Variants in LZTR1 observed in about 807,000 individuals in gnomAD.
LZTR1 encodes leucine zipper like post translational regulator 1.
Under a neutral mutation model 105.7 loss-of-function variants are expected in LZTR1, and 260 were observed. That is an observed-to-expected ratio of 2.46 (90% CI 2.22 to 2.72). The LOEUF is 2.72. LZTR1 is among the 30% of genes most tolerant of loss of function. The pLI is 0.00. For missense variants in LZTR1, 1,214 were observed against 1,166.9 expected (o/e 1.04, Z -0.59); for synonymous variants, 490 against 476.4 (o/e 1.03, Z -0.37).
Position 20,987,565 on chromosome 22 carries a change from A to G in LZTR1, c.382A>G (p.Ser128Gly). 1 of 1,613,972 alleles carries G rather than the reference A, an allele frequency of 6.2e-7. No homozygotes were observed. Among genetic ancestry groups the G allele is most frequent in the Non-Finnish European group, 8.5e-7 (1 of 1,179,986 alleles). ...CCACCACTCGGCCGTCGTCTATGGG[A>G]GCAGCATGTTTGTCTTTGGTAAGCA... is the stretch of plus-strand genomic sequence containing the variant. ...RYHHSAVVYG[S>G]SMFVFGGYTG... The change falls in exon 4 of 21, where the codon AGC becomes GGC. Residue 128 changes from serine to glycine, a missense_variant. By Grantham distance (56) the Ser-to-Gly change is moderately conservative. Coordinates refer to ENST00000646124, the MANE Select transcript of LZTR1 (RefSeq NM_006767.4).
At position 20,982,401 on chromosome 22, in the gene LZTR1, G is replaced by A. The variant is rs1313933242; in HGVS notation, c.30G>A (p.Gln10=). 1.9e-6 allele frequency: 3 copies of A among 1,563,120 alleles called. No homozygotes were observed. The highest frequency in any genetic ancestry group is 2.6e-6 in the Non-Finnish European group (3 of 1,153,274). Residue 10 remains glutamine, a synonymous_variant, in exon 1 of 21, where the codon CAG becomes CAA. Coordinates refer to ENST00000646124, the MANE Select transcript of LZTR1 (RefSeq NM_006767.4). ...CTGGACCGGGCAGCACGGGGGGGCAGATCGGGGCTGCGGCCCTGGCAGGCG... is the reference window on the plus strand; with the variant it reads ...CTGGACCGGGCAGCACGGGGGGGCAAATCGGGGCTGCGGCCCTGGCAGGCG... MAGPGSTGG[Q]IGAAALAGGA... is the part of the protein sequence containing the mutation.
intron 3 of LZTR1, chr22:20,987,235 A>G (rs1601716659): frequency 5.4e-6 from 2 of 368,514 alleles, no homozygotes; most frequent in East Asian, 9.1e-5. Context: ...CTCTACAAAA[A>G]TACAAAAAAT....
chr22:20,996,368 T>C, intron 18 of LZTR1: 1 of 595,902 alleles, frequency 1.7e-6, no homozygotes, highest in Middle Eastern at 4.5e-4. Flanking sequence ...GGGTGGGTCA[T>C]TGCTTTGTGT....
At chr22:20,987,773 T>C (rs1161785278) in intron 4 of LZTR1, among the ~76,000 whole-genome samples, 190 bp downstream of exon 4, 1 of 152,226 alleles carries the variant, frequency 6.6e-6, no homozygotes, top group East Asian at 1.9e-4. Flanking sequence ...GGCCCTGAGC[T>C]CACAGGGTTG....
intron 2 of LZTR1, among the ~76,000 whole-genome samples, chr22:20,985,181 C>G (rs1398814095): frequency 6.6e-6 from 1 of 151,700 alleles, no homozygotes; most frequent in East Asian, 1.9e-4. Context: ...CCGCAGCCTC[C>G]CGAGTAGCTG....
intron 16 of LZTR1, 97 bp downstream of exon 16, chr22:20,995,123 G>A (rs755458830): frequency 3.7e-5 from 51 of 1,367,980 alleles, no homozygotes; most frequent in Non-Finnish European, 4.8e-5. Context: ...CCAGGCCCTC[G>A]GGGTGGGGGT....
In LZTR1 at chr22:20,994,284, G is replaced by T. The variant is rs781459085; in HGVS notation, c.1615+15G>T. The T allele has an allele frequency of 6.3e-7, 1 of 1,595,694 alleles. No individual in the cohort carries two copies. The highest frequency in any genetic ancestry group is 8.5e-7 in the Non-Finnish European group (1 of 1,178,084). On this transcript the variant is annotated intron_variant, in intron 14 of 20. Transcript: ENST00000646124. ...CCCACGGAAAGGTCCGCCTGGGTGG[G>T]GGTGGAGCAGGGTTGGTGTGGGCTG...
chr22:20,990,360 G>A, intron 7 of LZTR1, 26 bp from the exon 8 acceptor site: 1 of 1,613,874 alleles, frequency 6.2e-7, no homozygotes, highest in Non-Finnish European at 8.5e-7. Context: ...GTGAGGCCGG[G>A]GCTGAGCTGT....
intron 3 of LZTR1, chr22:20,986,589 T>G (rs1055977060): frequency 1.3e-5 from 2 of 152,054 alleles, no homozygotes; most frequent in African/African-American, 4.8e-5. Context: ...GATGGGTAGA[T>G]AGATGACAGA....
intron 6 of LZTR1, 94 bp from the exon 7 acceptor site, chr22:20,989,531 T>C: frequency 1.0e-6 from 1 of 986,936 alleles, no homozygotes; most frequent in South Asian, 1.3e-5. Flanking sequence ...TGTGTGGGGG[T>C]GGGGCTCCTC....
rs1273908796 is a variant in LZTR1, at chr22:20,996,116, TC to T, written c.2219+6del. 2 of 1,611,286 alleles carry T rather than the reference TC, an allele frequency of 1.2e-6. No individual in the cohort carries two copies. Among genetic ancestry groups the T allele is most frequent in the African/African-American group, 2.7e-5 (2 of 74,868 alleles). On this transcript the variant is annotated splice_donor_5th_base_variant and intron_variant, in intron 18 of 20. Coordinates refer to ENST00000646124, the MANE Select transcript of LZTR1 (RefSeq NM_006767.4). ...ACATGCCGCCCGAGGACTCGCTGCA[TC>T]CTCACTCCCCAGTGAACTCCCAGGT...
chr22:20,982,400 A>C lies in LZTR1; in HGVS notation c.29A>C (p.Gln10Pro). 6.4e-7 allele frequency: 1 copy of C among 1,562,572 alleles called. No individual in the cohort carries two copies. The highest frequency in any genetic ancestry group is 8.7e-7 in the Non-Finnish European group (1 of 1,152,950). Reference sequence around the variant, plus strand: ...GCTGGACCGGGCAGCACGGGGGGGCAGATCGGGGCTGCGGCCCTGGCAGGC... The same window carrying C: ...GCTGGACCGGGCAGCACGGGGGGGCCGATCGGGGCTGCGGCCCTGGCAGGC... MAGPGSTGG[Q>P]IGAAALAGGA... The change falls in exon 1 of 21, where the codon CAG becomes CCG. Residue 10 changes from glutamine (Q) to proline (P), a missense_variant. Gln to Pro is a moderately conservative substitution (Grantham distance 76). Transcript: ENST00000646124.
rs1018072128 is a variant in LZTR1, at chr22:20,997,609, C to T, written c.*261C>T. 8 of 393,270 alleles carry T rather than the reference C, an allele frequency of 2.0e-5. No individual in the cohort carries two copies. Among genetic ancestry groups the T allele is most frequent in the East Asian group, 1.9e-4 (4 of 20,898 alleles). 24.4% of individuals were successfully genotyped at this position (393,270 alleles called of 1,614,324 possible). On this transcript the variant is annotated 3_prime_UTR_variant, in exon 21 of 21. Transcript: ENST00000646124. ...ACCCTCTCCTGGTGTAGTGTGGATG[C>T]GAGGCCACGGCTCAGTGATGGGCTC...
intron 2 of LZTR1, among the ~76,000 whole-genome samples, chr22:20,985,152 C>A (rs986834698): frequency 2.7e-4 from 40 of 150,884 alleles, no homozygotes; most frequent in Admixed American, 2.4e-3. Context: ...CCTCTGCCTC[C>A]CGGGTTCAAG....
At chr22:20,994,798 CACT>C (rs1370697979) in intron 15 of LZTR1, 69 bp from the exon 16 acceptor site, 2 of 1,607,904 alleles carry the variant, frequency 1.2e-6, no homozygotes, top group Non-Finnish European at 1.7e-6. Context: ...CCCTGCCCAC[CACT>C]GTGAGCCCCT....
At chr22:20,996,319 A>AC in intron 18 of LZTR1, 1 of 618,766 alleles carries the variant, frequency 1.6e-6, no homozygotes, top group Non-Finnish European at 2.8e-6. Context: ...GCCAGGAGGA[A>AC]CCAGTGGGTT....
intron 2 of LZTR1, among the ~76,000 whole-genome samples, chr22:20,984,003 G>A (rs559627667): frequency 7.9e-5 from 12 of 152,142 alleles, no homozygotes; most frequent in African/African-American, 1.9e-4. Context: ...GCACTGGGGC[G>A]GCACGGGCTG....
rs187245425 is a variant in LZTR1, at chr22:20,982,987, A to G, written c.201-40A>G. 1,953 of 1,591,992 alleles carry G rather than the reference A, an allele frequency of 1.2e-3. 26 individuals are homozygous for G. In the African/African-American group the frequency reaches 0.024, roughly 20 times the overall value. On this transcript the variant is annotated intron_variant, in intron 1 of 20. Coordinates refer to ENST00000646124, the MANE Select transcript of LZTR1 (RefSeq NM_006767.4). ...TCCCATTCCTTGGGTGCCCCCCAGG[A>G]GGGTCCTGTCCTTACCGCCCTCCAC...
chr22:20,997,017 A>C, intron 20 of LZTR1, 51 bp downstream of exon 20: 1 of 1,583,404 alleles, frequency 6.3e-7, no homozygotes, highest in East Asian at 2.2e-5. Flanking sequence ...GGCAGTGGCC[A>C]TGCCCAGGCA....
Sources: gnomAD v4.1 joint callset for allele counts (sites outside exome capture counted in the v4.1 genomes callset) on GRCh38, gnomAD v4.1.1 for gene constraint, MANE v1.5 for transcripts, NCBI Gene and HGNC (gene_info 2026-07-23, HGNC 2026-07-21) for gene names.